Variants in ACOXL observed in about 807,000 individuals in gnomAD.
The protein encoded by ACOXL is acyl-coenzyme A oxidase-like protein.
ACOXL carries 70 observed loss-of-function variants against 71.9 expected under a neutral mutation model. That is an observed-to-expected ratio of 0.97 (90% CI 0.80 to 1.19). ACOXL has a LOEUF of 1.19. ACOXL is among the 50% of genes most tolerant of loss of function. The pLI, the probability that ACOXL is intolerant of heterozygous loss-of-function variation, is 0.00. For synonymous variants in ACOXL, 253 were observed against 281.6 expected (o/e 0.90, Z 1.02); for missense variants, 703 against 736.3 (o/e 0.95, Z 0.52).
chr2:110,846,641 G>GCACACACACACACACACACA (rs61028803), intron 10 of ACOXL, among the ~76,000 whole-genome samples: 6,627 of 137,742 alleles, frequency 0.048, 261 homozygotes, highest in South Asian at 0.084. Flanking sequence ...ATGCATACAC[G>GCACACACACACACACACACA]CACACACACA....
chr2:110,855,786 G>A (rs569450894), intron 10 of ACOXL, among the ~76,000 whole-genome samples: 20 of 152,158 alleles, frequency 1.3e-4, no homozygotes, highest in Non-Finnish European at 2.4e-4. Context: ...ATGAAGCCGC[G>A]GACCTTCGCA....
chr2:110,944,241 G>A (rs2061009155), intron 12 of ACOXL, among the ~76,000 whole-genome samples: 1 of 151,952 alleles, frequency 6.6e-6, no homozygotes, highest in South Asian at 2.1e-4. Context: ...TTATAGTAGA[G>A]ACGGGTTTCA....
chr2:111,070,683 G>C (rs2067300138), intron 16 of ACOXL, among the ~76,000 whole-genome samples: 1 of 151,902 alleles, frequency 6.6e-6, no homozygotes. Flanking sequence ...ACCTTCTCCA[G>C]AGCTTTCCTC....
chr2:110,774,619 G>A (rs1245273399), intron 2 of ACOXL, among the ~76,000 whole-genome samples: 1 of 152,170 alleles, frequency 6.6e-6, no homozygotes, highest in Non-Finnish European at 1.5e-5. Flanking sequence ...CTTAACCAAG[G>A]AGGTAAAGAC....
At chr2:110,987,801 T>C (rs2062996080) in intron 13 of ACOXL, among the ~76,000 whole-genome samples, 1 of 152,226 alleles carries the variant, frequency 6.6e-6, no homozygotes, top group South Asian at 2.1e-4. Context: ...CCATCCTGTA[T>C]ATATGCCACA....
At chr2:111,089,474 A>G (rs575249652) in intron 16 of ACOXL, among the ~76,000 whole-genome samples, 1 of 152,366 alleles carries the variant, frequency 6.6e-6, no homozygotes, top group East Asian at 1.9e-4. Flanking sequence ...ATGTAGACCT[A>G]TCAGCTGACA....
intron 1 of ACOXL, among the ~76,000 whole-genome samples, chr2:110,740,214 G>GA (rs1677347435): frequency 6.6e-6 from 1 of 152,210 alleles, no homozygotes; most frequent in Non-Finnish European, 1.5e-5. Context: ...TATCTGCATG[G>GA]AAAACGCTGA....
At chr2:111,045,854 A>C (rs2065994088) in intron 15 of ACOXL, among the ~76,000 whole-genome samples, 1 of 151,910 alleles carries the variant, frequency 6.6e-6, no homozygotes, top group African/African-American at 2.4e-5. Context: ...GCCCCATAAA[A>C]CTCAGCCAGC....
At chr2:111,003,300 A>G (rs1371167316) in intron 14 of ACOXL, among the ~76,000 whole-genome samples, 1 of 152,158 alleles carries the variant, frequency 6.6e-6, no homozygotes, top group Non-Finnish European at 1.5e-5. Flanking sequence ...CTGTAATCCC[A>G]GCATTTTGGG....
At chr2:110,909,531 G>T (rs1654740565) in intron 11 of ACOXL, among the ~76,000 whole-genome samples, 1 of 152,124 alleles carries the variant, frequency 6.6e-6, no homozygotes, top group Admixed American at 6.6e-5. Context: ...CCTAGAAGTA[G>T]TGGACTGGGA....
chr2:110,826,817 A>T (rs572771302), intron 9 of ACOXL, among the ~76,000 whole-genome samples: 67 of 131,752 alleles, frequency 5.1e-4, no homozygotes, highest in African/African-American at 1.9e-3. Flanking sequence ...TGCACATTTC[A>T]TCTGGTGTAC....
In ACOXL at chr2:110,896,658, G is replaced by A. The variant is rs1467732118; in HGVS notation, c.789-12131G>A. 3.3e-5 allele frequency among the ~76,000 whole-genome samples: 5 copies of A among 152,150 alleles called. No homozygotes were observed. The East Asian group carries it at 7.7e-4, about 23-fold the overall frequency. ...AAAGGACTTTCAGTAATGATTAAAA[G>A]GGTCAATCCATCAAGAAGATACAGT... On this transcript the variant is annotated intron_variant, in intron 10 of 17. Coordinates refer to ENST00000439055, the MANE Select transcript of ACOXL (RefSeq NM_001142807.4).
At chr2:110,994,007 C>T (rs185965692) in intron 13 of ACOXL, among the ~76,000 whole-genome samples, 23 of 152,340 alleles carry the variant, frequency 1.5e-4, no homozygotes, top group African/African-American at 5.5e-4. Flanking sequence ...TCTGCACACT[C>T]TACTGCACTG....
At chr2:110,874,609 C>G (rs1695666782) in intron 10 of ACOXL, among the ~76,000 whole-genome samples, 1 of 152,150 alleles carries the variant, frequency 6.6e-6, no homozygotes, top group Non-Finnish European at 1.5e-5. Flanking sequence ...TGGCCTCCTT[C>G]AGCACAGGGG....
chr2:110,864,605 T>C (rs1436831352), intron 10 of ACOXL, among the ~76,000 whole-genome samples: 1 of 152,252 alleles, frequency 6.6e-6, no homozygotes, highest in Non-Finnish European at 1.5e-5. Flanking sequence ...TGCATGGCGA[T>C]AGCCTTTCCA....
intron 1 of ACOXL, among the ~76,000 whole-genome samples, chr2:110,744,734 G>T (rs1025645548): frequency 6.6e-6 from 1 of 152,194 alleles, no homozygotes; most frequent in Non-Finnish European, 1.5e-5. Flanking sequence ...TGTAGTCAAT[G>T]AAATAGGAGG....
chr2:111,012,705 G>C (rs902647895), intron 14 of ACOXL, among the ~76,000 whole-genome samples: 1 of 152,116 alleles, frequency 6.6e-6, no homozygotes, highest in African/African-American at 2.4e-5. Flanking sequence ...AATAACTTGT[G>C]AATAAAAGAA....
At chr2:110,800,043 A>C (rs545333787) in intron 7 of ACOXL, among the ~76,000 whole-genome samples, 4 of 152,322 alleles carry the variant, frequency 2.6e-5, no homozygotes, top group Admixed American at 6.5e-5. Context: ...GGAACATGGG[A>C]GGGGACAAAT....
intron 3 of ACOXL, 66 bp downstream of exon 3, chr2:110,784,881 C>T (rs1683765463): frequency 1.4e-6 from 2 of 1,459,574 alleles, no homozygotes; most frequent in Non-Finnish European, 1.9e-6. Flanking sequence ...GGAATGAAAA[C>T]TATAACCCCG....
Sources: gnomAD v4.1 joint callset for allele counts (sites outside exome capture counted in the v4.1 genomes callset) on GRCh38, gnomAD v4.1.1 for gene constraint, MANE v1.5 for transcripts, NCBI Gene and HGNC (gene_info 2026-07-23, HGNC 2026-07-21) for gene names.